Variants in PKP4 observed in about 807,000 individuals in gnomAD.
PKP4 encodes plakophilin 4.
Under a neutral mutation model 145.1 loss-of-function variants are expected in PKP4, and 90 were observed. The ratio of observed to expected loss-of-function variants is 0.62; its 90% CI spans 0.52 to 0.74. The LOEUF (loss-of-function observed/expected upper bound fraction) is 0.74. PKP4 is among the 30% of genes least tolerant of loss of function. PKP4 has a pLI of 0.00. For synonymous variants in PKP4, 563 were observed against 577.2 expected (o/e 0.98, Z 0.35); for missense variants, 1,340 against 1,482.7 (o/e 0.90, Z 1.58).
intron 2 of PKP4, 188 bp downstream of exon 2, chr2:158,533,504 C>G (rs1348201143): frequency 2.9e-6 from 2 of 691,570 alleles, no homozygotes; most frequent in Admixed American, 2.1e-5. Context: ...CAGTCAGAAT[C>G]GGAACATGCA....
chr2:158,585,715 A>G (rs2048742079), intron 3 of PKP4, among the ~76,000 whole-genome samples: 1 of 152,166 alleles, frequency 6.6e-6, no homozygotes, highest in African/African-American at 2.4e-5. Context: ...TTTGACCTTC[A>G]GTGCTCTCAC....
At chr2:158,583,387 G>A (rs527617218) in intron 3 of PKP4, among the ~76,000 whole-genome samples, 4 of 152,182 alleles carry the variant, frequency 2.6e-5, no homozygotes, top group Admixed American at 2.6e-4. Context: ...AGATAAGACC[G>A]TATTCTTACT....
chr2:158,538,700 C>G (rs976521647), intron 2 of PKP4, among the ~76,000 whole-genome samples: 3 of 152,034 alleles, frequency 2.0e-5, no homozygotes, highest in Non-Finnish European at 1.5e-5. Flanking sequence ...TGCCACTACA[C>G]CCAGTTAATT....
At chr2:158,461,851 T>A (rs759016443) in intron 1 of PKP4, among the ~76,000 whole-genome samples, 5 of 152,146 alleles carry the variant, frequency 3.3e-5, no homozygotes, top group Non-Finnish European at 7.4e-5. Context: ...CACTATGCCA[T>A]CACCACATCT....
chr2:158,467,216 C>T (rs1231963472), intron 1 of PKP4, among the ~76,000 whole-genome samples: 7 of 152,082 alleles, frequency 4.6e-5, no homozygotes, highest in Non-Finnish European at 8.8e-5. Flanking sequence ...CCTGTGTACC[C>T]TTTATATTGT....
At position 158,591,717 on chromosome 2, in the gene PKP4, T is replaced by A. The variant is rs77163187; in HGVS notation, c.246-11353T>A. Among the ~76,000 whole-genome samples, 1,250 of 152,220 alleles carry A rather than the reference T, an allele frequency of 8.2e-3. 21 individuals are homozygous for A. Among genetic ancestry groups the A allele is most frequent in the African/African-American group, 0.029 (1,192 of 41,570 alleles). On this transcript the variant is annotated intron_variant, in intron 3 of 21. Coordinates refer to ENST00000389759, the MANE Select transcript of PKP4 (RefSeq NM_003628.6). ...GTAATAAATATTCTTTTTGAAAATTTAAATAAATGTCATTTATTAGCTCTA... is the reference window on the plus strand; with the variant it reads ...GTAATAAATATTCTTTTTGAAAATTAAAATAAATGTCATTTATTAGCTCTA...
intron 3 of PKP4, among the ~76,000 whole-genome samples, chr2:158,583,860 A>G (rs2048550164): frequency 1.3e-5 from 2 of 151,644 alleles, no homozygotes; most frequent in Admixed American, 1.3e-4. Context: ...TTATATTTTT[A>G]TATTTTCTGA....
At chr2:158,515,942 A>T (rs1049878704) in intron 1 of PKP4, among the ~76,000 whole-genome samples, 21 of 151,838 alleles carry the variant, frequency 1.4e-4, no homozygotes, top group Non-Finnish European at 2.9e-4. Flanking sequence ...CCTATTAGAG[A>T]GGCTGAGGTG....
rs760719585 is a variant in PKP4 at position 158,533,327 on chromosome 2, G to C, written c.132+11G>C. On this transcript the variant is annotated intron_variant, in intron 2 of 21. Transcript: ENST00000389759. The stretch of plus-strand genomic sequence containing the variant: ...TCCGTGAAGGAGCAGGTACATCCTC[G>C]TATTGAAAGTTGCAGTGAATTATTT... The C allele has an allele frequency of 4.3e-6, 7 of 1,613,780 alleles. No individual in the cohort carries two copies. The Admixed American group carries it at 1.0e-4, about 23-fold the overall frequency.
intron 2 of PKP4, among the ~76,000 whole-genome samples, chr2:158,539,747 CATA>C (rs1301463179): frequency 1.8e-4 from 28 of 152,070 alleles, no homozygotes. Context: ...GCTTTATCTC[CATA>C]ATATTATAAA....
At chr2:158,583,714 T>TA (rs1016402672) in intron 3 of PKP4, among the ~76,000 whole-genome samples, 1 of 152,148 alleles carries the variant, frequency 6.6e-6, no homozygotes, top group Non-Finnish European at 1.5e-5. Flanking sequence ...TTCTTTCTCT[T>TA]AAAAAAATTT....
chr2:158,547,889 C>T (rs766518189), intron 2 of PKP4, among the ~76,000 whole-genome samples: 4 of 152,198 alleles, frequency 2.6e-5, no homozygotes, highest in Admixed American at 2.0e-4. Context: ...GGCTGAGCGT[C>T]GAGGAGTGAA....
chr2:158,475,999 T>A (rs1033835384), intron 1 of PKP4, among the ~76,000 whole-genome samples: 7 of 152,226 alleles, frequency 4.6e-5, no homozygotes, highest in Admixed American at 2.6e-4. Context: ...TTTCAAATAG[T>A]TCTTGTCTCT....
chr2:158,571,013 G>T lies in PKP4; in HGVS notation c.133-6258G>T, dbSNP rs2047370817. On this transcript the variant is annotated intron_variant, in intron 2 of 21. Coordinates refer to ENST00000389759, the MANE Select transcript of PKP4 (RefSeq NM_003628.6). ...GAGCATGCAGAGACCAGCCTTGGGT[G>T]AGAAAGGGACACTCCCTCCACTAAG... is the stretch of plus-strand genomic sequence containing the variant. 2.0e-5 allele frequency among the ~76,000 whole-genome samples: 3 copies of T among 152,258 alleles called. No individual in the cohort carries two copies. The South Asian group carries it at 6.2e-4, about 32-fold the overall frequency.
intron 2 of PKP4, among the ~76,000 whole-genome samples, chr2:158,561,937 C>G (rs1320745203): frequency 1.4e-5 from 2 of 147,874 alleles, no homozygotes; most frequent in Non-Finnish European, 3.0e-5. Flanking sequence ...CAGCCCCCCA[C>G]CCCCCGACAG....
At chr2:158,653,688 G>A (rs1427219755) in intron 11 of PKP4, among the ~76,000 whole-genome samples, 1 of 152,194 alleles carries the variant, frequency 6.6e-6, no homozygotes, top group Non-Finnish European at 1.5e-5. Flanking sequence ...CCAAATTCTA[G>A]TTTATTTTTA....
At chr2:158,480,665 G>A (rs1693218341) in intron 1 of PKP4, among the ~76,000 whole-genome samples, 1 of 151,150 alleles carries the variant, frequency 6.6e-6, no homozygotes, top group South Asian at 2.1e-4. Flanking sequence ...ATATAAATAA[G>A]AAATTAATAG....
chr2:158,504,749 T>G (rs530118558), intron 1 of PKP4, among the ~76,000 whole-genome samples: 3 of 151,868 alleles, frequency 2.0e-5, no homozygotes, highest in African/African-American at 7.2e-5. Flanking sequence ...TTTATATCCT[T>G]CTTGCAAATT....
intron 2 of PKP4, among the ~76,000 whole-genome samples, chr2:158,562,595 A>C (rs533079552): frequency 6.6e-6 from 1 of 152,186 alleles, no homozygotes; most frequent in Non-Finnish European, 1.5e-5. Context: ...AAAGCCCTGT[A>C]CAATTAAAAA....
Sources: gnomAD v4.1 joint callset for allele counts (sites outside exome capture counted in the v4.1 genomes callset) on GRCh38, gnomAD v4.1.1 for gene constraint, MANE v1.5 for transcripts, NCBI Gene and HGNC (gene_info 2026-07-23, HGNC 2026-07-21) for gene names.